The following KCNT1 variants were observed in gnomAD, a reference collection of about 807,000 sequenced individuals.
KCNT1 encodes potassium sodium-activated channel subfamily T member 1, also known as potassium channel subfamily T member 1.
KCNT1 carries 78 observed loss-of-function variants against 147.8 expected under a neutral mutation model. The ratio of observed to expected loss-of-function variants is 0.53; its 90% CI spans 0.44 to 0.64. The LOEUF is 0.64. Among genes scored for constraint, KCNT1 ranks in the 30% least tolerant of loss-of-function variants. The probability of loss-of-function intolerance (pLI) is 0.00; values close to 1 mark genes in which losing one functional copy is unlikely to be tolerated. For missense variants in KCNT1, 1,419 were observed against 1,750.3 expected (o/e 0.81, Z 3.38); for synonymous variants, 867 against 748.8 (o/e 1.16, Z -2.58).
At chr9:135,758,868 TG>T (rs1241436982) in intron 10 of KCNT1, among the ~76,000 whole-genome samples, 1 of 152,042 alleles carries the variant, frequency 6.6e-6, no homozygotes, top group East Asian at 1.9e-4. Flanking sequence ...AGGGTAAAGG[TG>T]GGGGTGCCCA....
intron 24 of KCNT1, among the ~76,000 whole-genome samples, chr9:135,783,705 G>A (rs559880469): frequency 1.3e-5 from 2 of 152,346 alleles, no homozygotes; most frequent in Admixed American, 1.3e-4. Context: ...ATTTCGGGAT[G>A]GCAAGAGCAG....
intron 11 of KCNT1, among the ~76,000 whole-genome samples, chr9:135,763,620 G>A (rs921050720): frequency 1.3e-5 from 2 of 152,128 alleles, no homozygotes; most frequent in Non-Finnish European, 2.9e-5. Context: ...CTGCTTCTAC[G>A]GTGGCTGTAG....
intron 1 of KCNT1, among the ~76,000 whole-genome samples, chr9:135,712,580 G>A (rs759351403): frequency 2.6e-4 from 39 of 152,016 alleles, no homozygotes; most frequent in East Asian, 5.8e-4. Context: ...AAAGCTGGCC[G>A]ATGTAGGCCT....
chr9:135,729,638 G>A (rs908823166), intron 2 of KCNT1, among the ~76,000 whole-genome samples: 1 of 152,186 alleles, frequency 6.6e-6, no homozygotes, highest in African/African-American at 2.4e-5. Flanking sequence ...CAGGCCTCTC[G>A]TCCTGCAGAA....
At chr9:135,725,591 A>T (rs1451580620) in intron 2 of KCNT1, among the ~76,000 whole-genome samples, 2 of 152,158 alleles carry the variant, frequency 1.3e-5, no homozygotes, top group African/African-American at 4.8e-5. Flanking sequence ...AGACCGCTGT[A>T]GTTTTGGGCA....
chr9:135,703,705 C>T (rs1835128375), intron 1 of KCNT1, among the ~76,000 whole-genome samples: 1 of 152,214 alleles, frequency 6.6e-6, no homozygotes, highest in Admixed American at 6.5e-5. Flanking sequence ...CCCAGCCTAG[C>T]GTTGCCCTCC....
rs371649094 is a variant in KCNT1, at chr9:135,771,115, C to T, written c.2008+20C>T. On this transcript the variant is annotated intron_variant, in intron 18 of 30. Coordinates refer to ENST00000371757, the MANE Select transcript of KCNT1 (RefSeq NM_020822.3). ...CCATGGGTGAGCCGGGACAGGCGCGCGGGACTCCCTGGGCCTGCTCCTTTG... is the reference window on the plus strand; with the variant it reads ...CCATGGGTGAGCCGGGACAGGCGCGTGGGACTCCCTGGGCCTGCTCCTTTG... 29 of 1,595,202 alleles carry T rather than the reference C, an allele frequency of 1.8e-5. No individual in the cohort carries two copies. Among genetic ancestry groups the T allele is most frequent in the African/African-American group, 1.5e-4 (11 of 74,638 alleles).
chr9:135,750,045 C>T, intron 2 of KCNT1, 53 bp from the exon 3 acceptor site: 2 of 1,470,210 alleles, frequency 1.4e-6, no homozygotes, highest in Non-Finnish European at 1.9e-6. Context: ...GGCGTGTCCC[C>T]AGCCTGAGTC....
intron 11 of KCNT1, among the ~76,000 whole-genome samples, chr9:135,763,555 G>T (rs1470878272): frequency 6.6e-6 from 1 of 152,112 alleles, no homozygotes; most frequent in Non-Finnish European, 1.5e-5. Context: ...GGCCGCTTTG[G>T]GGGAGATTGT....
At chr9:135,777,275 G>A (rs1019985950) in intron 20 of KCNT1, 63 bp from the exon 21 acceptor site, 29 of 1,543,414 alleles carry the variant, frequency 1.9e-5, no homozygotes, top group Non-Finnish European at 2.4e-5. Flanking sequence ...GTCTGGGAGG[G>A]CTCCAGTGGC....
chr9:135,733,977 C>G (rs779135800), intron 2 of KCNT1, among the ~76,000 whole-genome samples: 1 of 150,318 alleles, frequency 6.7e-6, no homozygotes, highest in Non-Finnish European at 1.5e-5. Context: ...TTCAGGAAGT[C>G]TAGCCAGTGC....
At chr9:135,717,229 T>C (rs1028852448) in intron 2 of KCNT1, among the ~76,000 whole-genome samples, 4 of 149,270 alleles carry the variant, frequency 2.7e-5, no homozygotes, top group Admixed American at 6.7e-5. Context: ...TGTTGGTGTC[T>C]ATAGGATGAG....
At chr9:135,743,235 C>G (rs1331968091) in intron 2 of KCNT1, among the ~76,000 whole-genome samples, 1 of 152,160 alleles carries the variant, frequency 6.6e-6, no homozygotes, top group Non-Finnish European at 1.5e-5. Context: ...CCACTCCCCA[C>G]TGAGCCGCCG....
chr9:135,779,364 T>G lies in KCNT1; in HGVS notation c.2735T>G (p.Phe912Cys), dbSNP rs1833433773. 1 of 1,611,804 alleles carries G rather than the reference T, an allele frequency of 6.2e-7. No individual in the cohort carries two copies. Among genetic ancestry groups the G allele is most frequent in the African/African-American group, 1.3e-5 (1 of 74,806 alleles). The stretch of plus-strand genomic sequence containing the variant: ...GAGCCGCCTGCCTCCCCCAGGCTCT[T>G]CCCCAGCCTCAGCATCACCACGGAG... ...IVNVQTMFRL[F>C]PSLSITTELT... Residue 912 changes from phenylalanine to cysteine, a missense_variant, in exon 24 of 31, where the codon TTC becomes TGC. This residue lies in a region of KCNT1 where 247 missense variants were observed against 397.1 expected (regional missense o/e 0.62). Coordinates refer to ENST00000371757, the MANE Select transcript of KCNT1 (RefSeq NM_020822.3).
intron 2 of KCNT1, among the ~76,000 whole-genome samples, chr9:135,732,036 A>AGAGAGAGAGGGAGAGAGAGAGG (rs1471974281): frequency 1.9e-4 from 26 of 137,278 alleles, no homozygotes; most frequent in Non-Finnish European, 3.5e-4. Flanking sequence ...AGAGAGAGAG[A>AGAGAGAGAGGGAGAGAGAGAGG]GAGAGGGAGT....
intron 2 of KCNT1, among the ~76,000 whole-genome samples, chr9:135,726,194 T>TGGGGCA (rs1836131305): frequency 6.6e-6 from 1 of 151,698 alleles, no homozygotes; most frequent in Non-Finnish European, 1.5e-5. Flanking sequence ...GGGGCTGGGC[T>TGGGGCA]GGGGCAGGGG....
chr9:135,711,797 A>G (rs1835502912), intron 1 of KCNT1, among the ~76,000 whole-genome samples: 1 of 152,102 alleles, frequency 6.6e-6, no homozygotes, highest in African/African-American at 2.4e-5. Context: ...GGCGCCGGCC[A>G]CCCTGGGTCA....
intron 2 of KCNT1, among the ~76,000 whole-genome samples, chr9:135,715,498 G>T (rs1302585792): frequency 1.3e-5 from 2 of 150,428 alleles, no homozygotes; most frequent in Non-Finnish European, 3.0e-5. Context: ...GTCAGGAACC[G>T]CTCCTCTTCC....
rs1831783786 is a variant in KCNT1 at position 135,759,776 on chromosome 9, G to A, written c.952G>A (p.Gly318Ser). ...CGTCACCTTCTCCACCGTGGGCTAC[G>A]GTGACGTCACGCCCAAGATCTGGCC... The part of the protein sequence containing the change: ...CIVTFSTVGY[G>S]DVTPKIWPSQ... Residue 318 changes from glycine to serine, a missense_variant, in exon 11 of 31, where the codon GGT becomes AGT. Gly to Ser is a moderately conservative substitution (Grantham distance 56). Transcript: ENST00000371757. 9 of 1,613,588 alleles carry A rather than the reference G, an allele frequency of 5.6e-6. No homozygotes were observed. Among genetic ancestry groups the A allele is most frequent in the Non-Finnish European group, 7.6e-6 (9 of 1,179,870 alleles).
Sources: allele counts gnomAD v4.1 joint callset (sites outside exome capture counted in the v4.1 genomes callset), GRCh38; gene constraint gnomAD v4.1.1; regional missense constraint gnomAD v4.1.1; transcripts MANE v1.5; gene names NCBI Gene and HGNC (gene_info 2026-07-23, HGNC 2026-07-21).